Variants in RALGAPB observed in about 807,000 individuals in gnomAD.
RALGAPB encodes the protein ral GTPase-activating protein subunit beta.
A neutral mutation model predicts 161.1 loss-of-function variants in RALGAPB; 25 were observed. The observed-to-expected ratio is 0.16, with a 90% CI of 0.11 to 0.22. RALGAPB has a LOEUF of 0.22. Among genes scored for constraint, RALGAPB ranks in the 10% least tolerant of loss-of-function variants. The pLI is 1.00. For missense variants in RALGAPB, 1,391 were observed against 1,815.2 expected (o/e 0.77, Z 4.25); for synonymous variants, 629 against 626.1 (o/e 1.00, Z -0.07).
intron 2 of RALGAPB, among the ~76,000 whole-genome samples, chr20:38,491,221 A>C (rs1485500060): frequency 6.6e-6 from 1 of 152,204 alleles, no homozygotes; most frequent in Non-Finnish European, 1.5e-5. Context: ...TGTTAGATTT[A>C]ACTTTGGTTT....
intron 2 of RALGAPB, among the ~76,000 whole-genome samples, chr20:38,490,515 T>C (rs2085249536): frequency 6.9e-6 from 1 of 145,800 alleles, no homozygotes; most frequent in Non-Finnish European, 1.5e-5. Flanking sequence ...GCCTATTTAT[T>C]TATTTTTTGA....
rs1446823436 is a variant in RALGAPB at position 38,525,660 on chromosome 20, A to G, written c.1902+142A>G. ...TCATCAAGTTATTTCAAGTGAATTA[A>G]CAAAGTTGACTTGTGATTTTTTTTT... is the stretch of plus-strand genomic sequence containing the variant. On this transcript the variant is annotated intron_variant, in intron 12 of 29. Coordinates refer to ENST00000262879, the MANE Select transcript of RALGAPB (RefSeq NM_020336.4). 1.4e-5 allele frequency: 12 copies of G among 854,460 alleles called. No homozygotes were observed. The East Asian group carries it at 3.2e-4, about 23-fold the overall frequency. 52.9% of individuals were successfully genotyped at this position (854,460 alleles called of 1,614,324 possible). A position where few individuals can be genotyped will look rare whatever the true frequency, so the allele number is the denominator to read the frequency against.
At position 38,497,471 on chromosome 20, in the gene RALGAPB, C is replaced by G. The variant is rs780837644; in HGVS notation, c.508C>G (p.Leu170Val). 84 of 1,614,018 alleles carry G rather than the reference C, an allele frequency of 5.2e-5. No individual in the cohort carries two copies. The highest frequency in any genetic ancestry group is 4.5e-5 in the Non-Finnish European group (53 of 1,180,030). ...RETWEVLLLF[L>V]LQINDILLAP... ...AACTTGGGAAGTCTTACTGTTGTTT[C>G]TTCTGCAGATTAACGACATACTTCT... The change falls in exon 4 of 30, where the codon CTT becomes GTT. Residue 170 changes from leucine (L) to valine (V), a missense_variant. Transcript: ENST00000262879.
At chr20:38,529,317 A>C (rs1302062416) in intron 13 of RALGAPB, among the ~76,000 whole-genome samples, 1 of 152,138 alleles carries the variant, frequency 6.6e-6, no homozygotes, top group East Asian at 1.9e-4. Flanking sequence ...GTGACTCACG[A>C]GACCACCCTG....
intron 5 of RALGAPB, among the ~76,000 whole-genome samples, chr20:38,505,045 G>A (rs1051808508): frequency 6.6e-6 from 1 of 152,132 alleles, no homozygotes; most frequent in Admixed American, 6.5e-5. Flanking sequence ...CTTAAAATAC[G>A]ACTACCATTC....
chr20:38,480,427 C>A (rs1239763452), intron 1 of RALGAPB, among the ~76,000 whole-genome samples: 1 of 144,886 alleles, frequency 6.9e-6, no homozygotes, highest in Non-Finnish European at 1.5e-5. Flanking sequence ...CGCTCTGTCA[C>A]CCAGGCTGTA....
chr20:38,564,196 G>T (rs1419785966), intron 24 of RALGAPB, among the ~76,000 whole-genome samples: 1 of 152,038 alleles, frequency 6.6e-6, no homozygotes, highest in Admixed American at 6.5e-5. Flanking sequence ...CCTGCCCGGA[G>T]CCCACACCAG....
Position 38,526,595 on chromosome 20 carries a change from T to C in RALGAPB, c.2050+553T>C, listed in dbSNP as rs978226861. ...TGTTTAGCTTTTCTTCATCATCTTC[T>C]TAAGAGAGAGCTTCCCTAACAATAC... On this transcript the variant is annotated intron_variant, in intron 13 of 29. Transcript: ENST00000262879. Among the ~76,000 whole-genome samples the C allele has an allele frequency of 2.6e-5, 4 of 152,252 alleles. No individual in the cohort carries two copies. The South Asian group carries it at 8.3e-4, about 32-fold the overall frequency.
At chr20:38,510,682 G>A (rs964948246) in intron 6 of RALGAPB, among the ~76,000 whole-genome samples, 3 of 120,066 alleles carry the variant, frequency 2.5e-5, no homozygotes, top group South Asian at 2.1e-4. Context: ...AGGCCGAGGC[G>A]GGCGGATCAC....
intron 6 of RALGAPB, among the ~76,000 whole-genome samples, chr20:38,510,314 T>G (rs2085903552): frequency 6.6e-6 from 1 of 152,154 alleles, no homozygotes; most frequent in Admixed American, 6.6e-5. Flanking sequence ...AGCCTGGAAT[T>G]TGTCTTTAGT....
At chr20:38,501,201 A>C (rs1004976241) in intron 5 of RALGAPB, among the ~76,000 whole-genome samples, 1 of 152,234 alleles carries the variant, frequency 6.6e-6, no homozygotes, top group Non-Finnish European at 1.5e-5. Context: ...AGAGAGGAGA[A>C]GTCAGTGCCT....
chr20:38,570,200 A>G (rs73294757), intron 27 of RALGAPB, among the ~76,000 whole-genome samples: 5,979 of 152,132 alleles, frequency 0.039, 186 homozygotes, highest in African/African-American at 0.092. Flanking sequence ...TACTTTTTTC[A>G]TAGTTGTGAA....
intron 2 of RALGAPB, among the ~76,000 whole-genome samples, chr20:38,491,843 G>T (rs1457255346): frequency 6.6e-6 from 1 of 152,210 alleles, no homozygotes; most frequent in Non-Finnish European, 1.5e-5. Flanking sequence ...ATAAAGGAAT[G>T]AAGCTCATTT....
At chr20:38,527,511 C>G (rs1480339176) in intron 13 of RALGAPB, among the ~76,000 whole-genome samples, 2 of 152,074 alleles carry the variant, frequency 1.3e-5, no homozygotes, top group Non-Finnish European at 1.5e-5. Flanking sequence ...GTTTTTTGCT[C>G]TTTACATTCT....
Position 38,516,368 on chromosome 20 carries a change from T to C in RALGAPB, c.1049T>C (p.Leu350Ser). ...RGISCLVDAF[L>S]GISRPRSDSA... ...ATCAGCTGTCTGGTGGATGCATTCT[T>C]AGGTGAATTTTGTGTATGTTGCTAG... Residue 350 changes from leucine to serine, a missense_variant and splice_region_variant, in exon 7 of 30, where the codon TTA (leucine) becomes TCA (serine). Physicochemically the swap from Leu to Ser is moderately radical, Grantham distance 145 (BLOSUM62 -2). Coordinates refer to ENST00000262879, the MANE Select transcript of RALGAPB (RefSeq NM_020336.4). 6.2e-7 allele frequency: 1 copy of C among 1,612,678 alleles called. No individual in the cohort carries two copies. The highest frequency in any genetic ancestry group is 8.5e-7 in the Non-Finnish European group (1 of 1,179,238).
chr20:38,550,030 A>G lies in RALGAPB; in HGVS notation c.3010-1041A>G, dbSNP rs1312456707. Among the ~76,000 whole-genome samples the G allele has an allele frequency of 4.6e-5, 7 of 152,336 alleles. No homozygotes were observed. The South Asian group carries it at 1.5e-3, about 32-fold the overall frequency. On this transcript the variant is annotated intron_variant, in intron 20 of 29. Transcript: ENST00000262879. ...GAAATTGGAAATCATCATTCTCAGTAAACTATCGCAAGAACAAAAAACCAA... is the reference window on the plus strand; with the variant it reads ...GAAATTGGAAATCATCATTCTCAGTGAACTATCGCAAGAACAAAAAACCAA...
intron 2 of RALGAPB, among the ~76,000 whole-genome samples, chr20:38,490,100 C>T (rs61530635): frequency 0.01 from 1,587 of 151,972 alleles, 22 homozygotes; most frequent in African/African-American, 0.036. Flanking sequence ...ACTTCTGCCT[C>T]CCGGGTTCAA....
intron 2 of RALGAPB, among the ~76,000 whole-genome samples, chr20:38,489,884 T>A (rs2085225780): frequency 6.6e-6 from 1 of 152,196 alleles, no homozygotes; most frequent in Non-Finnish European, 1.5e-5. Flanking sequence ...GCGTTTGTGA[T>A]CCCTTGTTGC....
chr20:38,539,786 T>G lies in RALGAPB; in HGVS notation c.2390T>G (p.Met797Arg). 2 of 1,613,414 alleles carry G rather than the reference T, an allele frequency of 1.2e-6. No homozygotes were observed. Among genetic ancestry groups the G allele is most frequent in the Non-Finnish European group, 1.7e-6 (2 of 1,179,708 alleles). ...AATGAATATGCTCAGGTAAAAGTGA[T>G]GGTTGACTCAGGAGACCGGAAGCGA... is the stretch of plus-strand genomic sequence containing the variant. ...LLSGLAKVKV[M>R]VDSGDRKRAI... The change falls in exon 17 of 30, where the codon ATG becomes AGG. Residue 797 changes from methionine (M) to arginine (R), a missense_variant. This residue lies in a region of RALGAPB where 946 missense variants were observed against 1,257.2 expected (regional missense o/e 0.75). Coordinates refer to ENST00000262879, the MANE Select transcript of RALGAPB (RefSeq NM_020336.4).
Sources: gnomAD v4.1 joint callset for allele counts (sites outside exome capture counted in the v4.1 genomes callset) on GRCh38, gnomAD v4.1.1 for gene constraint, gnomAD v4.1.1 regional missense constraint, MANE v1.5 for transcripts, NCBI Gene and HGNC (gene_info 2026-07-23, HGNC 2026-07-21) for gene names.